Variants in ERG observed in about 807,000 individuals in gnomAD.
The protein encoded by ERG is ETS transcription factor ERG.
In ERG, 9 loss-of-function variants were observed where a neutral mutation model predicts 55.3. The observed-to-expected ratio is 0.16, with a 90% confidence interval of 0.10 to 0.28. The LOEUF (loss-of-function observed/expected upper bound fraction) is 0.28. Ranked by LOEUF, ERG falls within the 10% of genes least tolerant of loss-of-function variation. The pLI, the probability that ERG is intolerant of heterozygous loss-of-function variation, is 1.00. For missense variants in ERG, 434 were observed against 631.6 expected, an observed-to-expected ratio of 0.69 and a Z score of 3.35; for synonymous variants, 223 against 237.3, an observed-to-expected ratio of 0.94 and a Z score of 0.55.
intron 2 of ERG, among the ~76,000 whole-genome samples, chr21:38,513,946 G>A (rs1184493843): frequency 6.6e-6 from 1 of 151,876 alleles, no homozygotes; most frequent in African/African-American, 2.4e-5. Flanking sequence ...TAAAAAGGGG[G>A]CTATTACTAC....
intron 2 of ERG, among the ~76,000 whole-genome samples, chr21:38,439,109 T>G: frequency 6.6e-6 from 1 of 152,082 alleles, no homozygotes; most frequent in East Asian, 1.9e-4. Context: ...GCACATAAAT[T>G]GACTGAGTTC....
upstream of ERG, among the ~76,000 whole-genome samples, chr21:38,588,226 G>A (rs1322124082): frequency 1.3e-5 from 2 of 152,202 alleles, no homozygotes; most frequent in Non-Finnish European, 1.5e-5. Flanking sequence ...ATTGGTAAGA[G>A]TGCAAACTGC....
chr21:38,616,392 T>C lies in ERG; in HGVS notation c.-149-31447A>G, dbSNP rs185934759. ...TGAATGATTTATGAATGATGGGTTA[T>C]TATTAACACACAAAGCTATTTTTGT... On this transcript the variant is annotated intron_variant, in intron 1 of 10. Transcript: ENST00000398910. Among the ~76,000 whole-genome samples, 281 of 152,294 alleles carry C rather than the reference T, an allele frequency of 1.8e-3. 1 individual carries two copies. The highest frequency in any genetic ancestry group is 1.7e-3 in the Non-Finnish European group (113 of 68,024).
At chr21:38,538,914 G>A (rs2146790204) in intron 2 of ERG, among the ~76,000 whole-genome samples, 1 of 152,024 alleles carries the variant, frequency 6.6e-6, no homozygotes, top group Non-Finnish European at 1.5e-5. Context: ...TTTTCCTCCA[G>A]GAACAGAGAC....
intron 1 of ERG, chr21:38,474,072 G>T (rs951340484): frequency 1.1e-4 from 17 of 152,138 alleles, no homozygotes; most frequent in African/African-American, 4.1e-4. Flanking sequence ...ACAGCAATGA[G>T]ATCTTGGAGG....
chr21:38,567,931 C>T (rs1245795091), intron 2 of ERG, among the ~76,000 whole-genome samples: 1 of 152,194 alleles, frequency 6.6e-6, no homozygotes, highest in African/African-American at 2.4e-5. Context: ...CTGTTTTAGA[C>T]TCTTCCGTCT....
chr21:38,477,187 TG>T (rs2059196978), intron 1 of ERG, among the ~76,000 whole-genome samples: 1 of 152,062 alleles, frequency 6.6e-6, no homozygotes, highest in African/African-American at 2.4e-5. Context: ...CTAATTTTTC[TG>T]TTTTTTGTAG....
At position 38,382,100 on chromosome 21, in the gene ERG, T is replaced by C. The variant is rs547558320; in HGVS notation, c.*1303A>G. 1.3e-5 allele frequency: 14 copies of C among 1,055,808 alleles called. No individual in the cohort carries two copies. The highest frequency in any genetic ancestry group is 5.4e-5 in the Admixed American group (1 of 18,386). The allele number at this position is 1,055,808 out of a possible 1,614,324, so 65.4% of individuals were successfully genotyped here. ...CATTCTAAGAACTAATAACTTCATA[T>C]TGTAAACATTAAGCATACAGAGTTA... is the stretch of plus-strand genomic sequence containing the variant. On this transcript the variant is annotated 3_prime_UTR_variant, in exon 10 of 10. Transcript: ENST00000288319.
Position 38,552,012 on chromosome 21 carries a change from T to C in ERG, c.-41+23650A>G, listed in dbSNP as rs2059827417. Among the ~76,000 whole-genome samples the C allele has an allele frequency of 2.0e-5, 3 of 152,190 alleles. No homozygotes were observed. The South Asian group carries it at 6.2e-4, about 32-fold the overall frequency. On this transcript the variant is annotated intron_variant, in intron 2 of 8. Coordinates refer to the ERG transcript ENST00000398897. ...AGGTCCCTAAAACTTGATTTATGAA[T>C]CTGAGTGCTCCAGCATTGGGTGCAT...
chr21:38,367,415 G>A, the ERG span, among the ~76,000 whole-genome samples: 1 of 152,212 alleles, frequency 6.6e-6, no homozygotes, highest in African/African-American at 2.4e-5. Flanking sequence ...CCAAGACTGA[G>A]GTTACACGAA....
At chr21:38,419,206 C>A (rs1748759571) in intron 3 of ERG, among the ~76,000 whole-genome samples, 3 of 152,266 alleles carry the variant, frequency 2.0e-5, no homozygotes, top group African/African-American at 7.2e-5. Context: ...TAACCAGTAC[C>A]CTTTGGGAAG....
intron 2 of ERG, among the ~76,000 whole-genome samples, chr21:38,540,754 T>C (rs907798594): frequency 6.6e-6 from 1 of 152,206 alleles, no homozygotes; most frequent in Admixed American, 6.5e-5. Flanking sequence ...CTGCTGAATG[T>C]AAAATTTTTC....
rs932747715 is a variant in ERG at position 38,661,044 on chromosome 21, G to A, written c.-150+614C>T. Reference sequence around the variant, plus strand: ...GCGGAGGAGGAGGAAGAGGAGGAGGGAGGCGGAGGAGCAGAGGCTGGGACG... The same window carrying A: ...GCGGAGGAGGAGGAAGAGGAGGAGGAAGGCGGAGGAGCAGAGGCTGGGACG... On this transcript the variant is annotated intron_variant, in intron 1 of 10. Coordinates refer to the ERG transcript ENST00000398910. Among the ~76,000 whole-genome samples, 4 of 151,992 alleles carry A rather than the reference G, an allele frequency of 2.6e-5. No homozygotes were observed. The East Asian group carries it at 7.8e-4, about 30-fold the overall frequency.
chr21:38,614,797 C>T (rs1010955677), intron 1 of ERG, among the ~76,000 whole-genome samples: 1 of 152,212 alleles, frequency 6.6e-6, no homozygotes, highest in Non-Finnish European at 1.5e-5. Flanking sequence ...GTCAGCGTGG[C>T]CTCAGCAGGG....
Position 38,409,829 on chromosome 21 carries a change from T to A in ERG, c.389-6120A>T, listed in dbSNP as rs115027274. On this transcript the variant is annotated intron_variant, in intron 3 of 9. Transcript: ENST00000288319. Reference sequence around the variant, plus strand: ...GGTCCTTGAGTCTTGCTAACAAGGTTGGATTTTCATTTTTAGAGATTTCAG... The same window carrying A: ...GGTCCTTGAGTCTTGCTAACAAGGTAGGATTTTCATTTTTAGAGATTTCAG... Among the ~76,000 whole-genome samples, 736 of 152,334 alleles carry A rather than the reference T, an allele frequency of 4.8e-3. 5 individuals are homozygous for A. Among genetic ancestry groups the A allele is most frequent in the African/African-American group, 0.017 (706 of 41,572 alleles).
chr21:38,535,799 G>A (rs1465948339), intron 2 of ERG, among the ~76,000 whole-genome samples: 3 of 152,154 alleles, frequency 2.0e-5, no homozygotes, highest in Admixed American at 6.6e-5. Context: ...GTGTTTAAAA[G>A]TTAACGTGCT....
chr21:38,501,091 G>A (rs1410587874), upstream of ERG, among the ~76,000 whole-genome samples: 2 of 127,104 alleles, frequency 1.6e-5, no homozygotes, highest in African/African-American at 3.1e-5. Flanking sequence ...TTTTTGGGAC[G>A]GAATCTTGCT....
chr21:38,438,569 G>A (rs1390834258), intron 2 of ERG, among the ~76,000 whole-genome samples: 1 of 152,162 alleles, frequency 6.6e-6, no homozygotes, highest in Non-Finnish European at 1.5e-5. Context: ...TATCTGACCC[G>A]AGGCTGGAGT....
At chr21:38,526,081 GAT>G (rs1389878443) in intron 2 of ERG, among the ~76,000 whole-genome samples, 2 of 152,208 alleles carry the variant, frequency 1.3e-5, no homozygotes, top group Non-Finnish European at 2.9e-5. Flanking sequence ...TAAGAAATGT[GAT>G]GGCGTGGTCT....
Sources: gnomAD v4.1 joint callset for allele counts (sites outside exome capture counted in the v4.1 genomes callset) on GRCh38, gnomAD v4.1.1 for gene constraint, MANE v1.5 for transcripts, NCBI Gene and HGNC (gene_info 2026-07-23, HGNC 2026-07-21) for gene names.